Variants in ADNP observed in about 807,000 individuals in gnomAD.
ADNP encodes the protein activity-dependent neuroprotector homeobox protein.
In ADNP, 4 loss-of-function variants were observed where a neutral mutation model predicts 84.9. That is an observed-to-expected ratio of 0.05 (90% CI 0.02 to 0.11). The LOEUF (loss-of-function observed/expected upper bound fraction) is 0.11. Ranked by LOEUF, ADNP falls within the 10% of genes least tolerant of loss-of-function variation. ADNP has a pLI of 1.00. For missense variants in ADNP, 1,132 were observed against 1,326.0 expected (o/e 0.85, Z 2.27); for synonymous variants, 554 against 468.1 (o/e 1.18, Z -2.37).
At chr20:50,902,844 G>C (rs1249772626) in intron 4 of ADNP, among the ~76,000 whole-genome samples, 1 of 152,202 alleles carries the variant, frequency 6.6e-6, no homozygotes, top group Non-Finnish European at 1.5e-5. Context: ...TGACCCCACA[G>C]AGTGCAAAGT....
At chr20:50,929,163 G>A (rs1454814008) in intron 1 of ADNP, among the ~76,000 whole-genome samples, 2 of 152,156 alleles carry the variant, frequency 1.3e-5, no homozygotes, top group Non-Finnish European at 2.9e-5. Flanking sequence ...AACCAGCTAT[G>A]CCCCCAAACC....
chr20:50,891,154 G>T lies in ADNP; in HGVS notation c.*251C>A. 2 of 1,265,584 alleles carry T rather than the reference G, an allele frequency of 1.6e-6. No individual in the cohort carries two copies. Among genetic ancestry groups the T allele is most frequent in the East Asian group, 3.2e-5 (1 of 31,078 alleles). The allele number at this position is 1,265,584 out of a possible 1,614,324, so 78.4% of individuals were successfully genotyped here. ...ATAAAATAAACCTCTGCTTTTCCTC[G>T]TGTGTATTCATGAGTCACCAGCTTA... On this transcript the variant is annotated 3_prime_UTR_variant, in exon 6 of 6. Coordinates refer to ENST00000621696, the MANE Select transcript of ADNP (RefSeq NM_001282531.3).
In ADNP at chr20:50,891,652, C is replaced by T; in HGVS notation, c.3062G>A (p.Gly1021Asp). 6.2e-7 allele frequency: 1 copy of T among 1,614,242 alleles called. No individual in the cohort carries two copies. Among genetic ancestry groups the T allele is most frequent in the South Asian group, 1.1e-5 (1 of 91,086 alleles). The change falls in exon 6 of 6, where the codon GGT becomes GAT. Residue 1021 changes from glycine (G) to aspartate (D), a missense_variant. By Grantham distance (94) the Gly-to-Asp change is moderately conservative. Around this residue, in one of 10 missense-constraint regions of ADNP, gnomAD observed 381 missense variants for 319.9 expected, o/e 1.19. Coordinates refer to ENST00000621696, the MANE Select transcript of ADNP (RefSeq NM_001282531.3). ...PAAKKKATMQ[G>D]DREQLKWKNS... ...CTTCCATTTCAACTGCTCTCTGTCA[C>T]CTTGCATGGTAGCCTTTTTTTTGGC...
chr20:50,926,553 G>A (rs1294640327), intron 2 of ADNP, among the ~76,000 whole-genome samples: 1 of 152,056 alleles, frequency 6.6e-6, no homozygotes, highest in Admixed American at 6.5e-5. Flanking sequence ...ACTACACTTA[G>A]ATGTATTGTC....
chr20:50,913,807 T>C lies in ADNP; in HGVS notation c.-89-8958A>G. The C allele has an allele frequency of 6.0e-6, 3 of 497,846 alleles. No individual in the cohort carries two copies. In the South Asian group the frequency reaches 6.3e-5, roughly 10 times the overall value. 30.8% of individuals were successfully genotyped at this position (497,846 alleles called of 1,614,324 possible). A position where few individuals can be genotyped will look rare whatever the true frequency, so the allele number is the denominator to read the frequency against. On this transcript the variant is annotated intron_variant, in intron 2 of 5. Coordinates refer to ENST00000621696, the MANE Select transcript of ADNP (RefSeq NM_001282531.3). ...CTGGAGGAGGTGAAGGAGAGGATTC[T>C]GGCCAATAAACCCCTGGCTATGAGA...
At chr20:50,927,322 C>CT (rs1984355398) in intron 2 of ADNP, among the ~76,000 whole-genome samples, 1 of 152,110 alleles carries the variant, frequency 6.6e-6, no homozygotes, top group African/African-American at 2.4e-5. Flanking sequence ...CCTATATTTT[C>CT]TATACAGGAA....
rs969806596 is a variant in ADNP, at chr20:50,891,135, T to C, written c.*270A>G. On this transcript the variant is annotated 3_prime_UTR_variant, in exon 6 of 6. Transcript: ENST00000621696. Reference sequence around the variant, plus strand: ...AGAAATGTTGAAAAGGCAGATAAAATAAACCTCTGCTTTTCCTCGTGTGTA... The same window carrying C: ...AGAAATGTTGAAAAGGCAGATAAAACAAACCTCTGCTTTTCCTCGTGTGTA... 79 of 1,237,366 alleles carry C rather than the reference T, an allele frequency of 6.4e-5. No homozygotes were observed. The Admixed American group carries it at 2.0e-3, about 31-fold the overall frequency. The allele number at this position is 1,237,366 out of a possible 1,614,324, so 76.6% of individuals were successfully genotyped here.
chr20:50,906,960 C>T (rs999196216), intron 2 of ADNP, among the ~76,000 whole-genome samples: 46 of 135,332 alleles, frequency 3.4e-4, no homozygotes, highest in Admixed American at 8.4e-4. Context: ...AGACAGGGTT[C>T]CAGTTTTTTT....
At chr20:50,930,572 G>A (rs970441280) in intron 1 of ADNP, among the ~76,000 whole-genome samples, 37 of 152,252 alleles carry the variant, frequency 2.4e-4, no homozygotes, top group Non-Finnish European at 4.9e-4. Flanking sequence ...GGGCTCACAG[G>A]GCGGAGAAGG....
At chr20:50,926,440 T>C (rs1314630761) in intron 2 of ADNP, among the ~76,000 whole-genome samples, 1 of 152,252 alleles carries the variant, frequency 6.6e-6, no homozygotes, top group African/African-American at 2.4e-5. Context: ...AAAAACTTCC[T>C]ATTTTTTTCT....
chr20:50,912,665 T>G (rs1339963984), intron 2 of ADNP, among the ~76,000 whole-genome samples: 1 of 152,152 alleles, frequency 6.6e-6, no homozygotes, highest in Non-Finnish European at 1.5e-5. Flanking sequence ...CTGGGCCTAG[T>G]GGGCAATCAA....
chr20:50,902,175 A>C, intron 4 of ADNP, 66 bp from the exon 5 acceptor site: 2 of 1,193,098 alleles, frequency 1.7e-6, no homozygotes, highest in Non-Finnish European at 2.5e-6. Flanking sequence ...TCTTACATGT[A>C]AATCTCACCT....
intron 2 of ADNP, among the ~76,000 whole-genome samples, chr20:50,927,160 T>C (rs181080161): frequency 2.0e-5 from 3 of 152,266 alleles, no homozygotes; most frequent in East Asian, 3.9e-4. Flanking sequence ...TATTTTAATA[T>C]AAATAGTATT....
At chr20:50,903,800 A>G in intron 4 of ADNP, 89 bp downstream of exon 4, 6 of 924,766 alleles carry the variant, frequency 6.5e-6, no homozygotes, top group Non-Finnish European at 8.4e-6. Context: ...TCAGAATCAC[A>G]TCTAAGATTT....
chr20:50,905,373 GT>G (rs1202704317), intron 2 of ADNP: 2 of 152,038 alleles, frequency 1.3e-5, no homozygotes, highest in African/African-American at 4.8e-5. Context: ...TGCAAATCCA[GT>G]TTTCTAATTA....
Position 50,891,677 on chromosome 20 carries a change from C to A in ADNP, c.3037G>T (p.Ala1013Ser), listed in dbSNP as rs769067007. ...SEDARSSKPA[A>S]KKKATMQGDR... is the part of the protein sequence containing the mutation. ...CCTTGCATGGTAGCCTTTTTTTTGG[C>A]AGCTGGCTTACTGCTCCTTGCATCT... Residue 1013 changes from alanine (A) to serine (S), a missense_variant, in exon 6 of 6, where the codon GCC becomes TCC. Physicochemically the swap from Ala to Ser is moderately conservative, Grantham distance 99. Around this residue, in one of 10 missense-constraint regions of ADNP, gnomAD observed 381 missense variants for 319.9 expected, o/e 1.19. Transcript: ENST00000621696. The A allele has an allele frequency of 1.2e-6, 2 of 1,613,868 alleles. No individual in the cohort carries two copies. The highest frequency in any genetic ancestry group is 1.7e-6 in the Non-Finnish European group (2 of 1,179,942).
Position 50,891,558 on chromosome 20 carries a change from C to T in ADNP, c.3156G>A (p.Glu1052=), listed in dbSNP as rs746326274. ...KDQSQWKNAS[E]NDERLSNPQI... ...GGGGGTTAGATAAGCGCTCATCATT[C>T]TCAGATGCATTCTTCCACTGTGACT... Residue 1052 remains glutamate (E), a synonymous_variant, in exon 6 of 6, where the codon GAG becomes GAA. Transcript: ENST00000621696. 7 of 1,612,316 alleles carry T rather than the reference C, an allele frequency of 4.3e-6. No individual in the cohort carries two copies. The East Asian group carries it at 1.3e-4, about 31-fold the overall frequency.
At chr20:50,924,863 T>C (rs894150372) in intron 2 of ADNP, among the ~76,000 whole-genome samples, 6 of 152,362 alleles carry the variant, frequency 3.9e-5, no homozygotes, top group Non-Finnish European at 7.4e-5. Context: ...AGATTACGTG[T>C]ATGCTTTTAA....
At chr20:50,919,441 G>A (rs1983786840) in intron 2 of ADNP, among the ~76,000 whole-genome samples, 1 of 151,834 alleles carries the variant, frequency 6.6e-6, no homozygotes, top group Non-Finnish European at 1.5e-5. Flanking sequence ...CGTTACAAAG[G>A]GAGACCCTGG....
Sources: gnomAD v4.1 joint callset for allele counts (sites outside exome capture counted in the v4.1 genomes callset) on GRCh38, gnomAD v4.1.1 for gene constraint, gnomAD v4.1.1 regional missense constraint, MANE v1.5 for transcripts, NCBI Gene and HGNC (gene_info 2026-07-23, HGNC 2026-07-21) for gene names.